Variants in DMD observed in about 807,000 individuals in gnomAD.
The protein encoded by DMD is mutant dystrophin.
A neutral mutation model predicts 330.1 loss-of-function variants in DMD; 63 were observed. The ratio of observed to expected loss-of-function variants is 0.19; its 90% CI spans 0.16 to 0.24. The LOEUF (loss-of-function observed/expected upper bound fraction) is 0.24, where lower values mean the gene tolerates loss of function less well. Among genes scored for constraint, DMD ranks in the 10% least tolerant of loss-of-function variants. The pLI is 1.00. For missense variants in DMD, 3,344 were observed against 2,684.1 expected (o/e 1.25, Z -5.43); for synonymous variants, 1,223 against 959.8 (o/e 1.27, Z -5.07).
chrX:31,628,986 T>C (rs1487032604), intron 54 of DMD, among the ~76,000 whole-genome samples: 2 of 103,977 alleles, frequency 1.9e-5, no homozygotes, highest in African/African-American at 6.9e-5. Flanking sequence ...CCTCAGCAAA[T>C]ATCTATATAA....
chrX:32,948,801 C>T (rs971389010), intron 2 of DMD, among the ~76,000 whole-genome samples: 1 of 111,762 alleles, frequency 8.9e-6, no homozygotes, highest in African/African-American at 3.3e-5. Flanking sequence ...ATTTGAAACA[C>T]TGTTAAGCAG....
intron 52 of DMD, among the ~76,000 whole-genome samples, chrX:31,710,315 T>C (rs777187844): frequency 4.5e-5 from 5 of 111,742 alleles, no homozygotes; most frequent in Non-Finnish European, 9.4e-5. Context: ...TAAAGCTGTA[T>C]ATCTGTATAT....
chrX:32,883,280 C>A (rs949730855), intron 2 of DMD, among the ~76,000 whole-genome samples: 2 of 111,840 alleles, frequency 1.8e-5, no homozygotes, highest in African/African-American at 6.5e-5. Context: ...ATTTCAGGCA[C>A]TGAACGGCAA....
At chrX:31,379,848 T>C (rs1049092595) in intron 60 of DMD, among the ~76,000 whole-genome samples, 26 of 111,785 alleles carry the variant, frequency 2.3e-4, no homozygotes, top group Non-Finnish European at 4.1e-4. Flanking sequence ...CCATGTCCCA[T>C]CTGTGGAGGA....
At chrX:31,387,995 G>C (rs907295162) in intron 60 of DMD, among the ~76,000 whole-genome samples, 3 of 104,915 alleles carry the variant, frequency 2.9e-5, no homozygotes, top group African/African-American at 1.1e-4. Flanking sequence ...TTTCTTCTTT[G>C]TTTTTCGGTT....
At chrX:32,570,034 T>C (rs2052223929) in intron 15 of DMD, among the ~76,000 whole-genome samples, 1 of 111,835 alleles carries the variant, frequency 8.9e-6, no homozygotes, top group Non-Finnish European at 1.9e-5. Flanking sequence ...ATAATAGATC[T>C]ACATGATTTG....
At chrX:33,267,993 ATTTTT>A (rs527255488) in intron 1 of DMD, among the ~76,000 whole-genome samples, 5 of 98,349 alleles carry the variant, frequency 5.1e-5, no homozygotes, top group African/African-American at 1.9e-4. Context: ...GGCATTGGCA[ATTTTT>A]TTTTTTTTTT....
At chrX:32,289,168 G>T (rs941072117) in intron 42 of DMD, among the ~76,000 whole-genome samples, 7 of 111,293 alleles carry the variant, frequency 6.3e-5, no homozygotes, top group Non-Finnish European at 1.3e-4. Flanking sequence ...TTCTTAGATT[G>T]AAAACTTACT....
chrX:32,330,108 A>G (rs1439734234), intron 41 of DMD, among the ~76,000 whole-genome samples: 1 of 112,439 alleles, frequency 8.9e-6, no homozygotes. Context: ...AATGGGTGCT[A>G]AACTATACTC....
At chrX:31,663,324 A>C (rs899809330) in intron 53 of DMD, among the ~76,000 whole-genome samples, 9 of 110,619 alleles carry the variant, frequency 8.1e-5, no homozygotes, top group African/African-American at 3.0e-4. Flanking sequence ...CCAGCCCTTG[A>C]GGTGGTAATA....
At chrX:32,632,745 T>A (rs1602347152) in intron 11 of DMD, among the ~76,000 whole-genome samples, 1 of 98,388 alleles carries the variant, frequency 1.0e-5, no homozygotes, top group South Asian at 6.0e-4. Flanking sequence ...GGGGGAGGGG[T>A]TGGGGCGGGG....
At chrX:32,333,165 T>G (rs1042283435) in intron 41 of DMD, among the ~76,000 whole-genome samples, 2 of 112,035 alleles carry the variant, frequency 1.8e-5, no homozygotes, top group African/African-American at 3.2e-5. Context: ...AATGTTTATT[T>G]AAGACTTTTC....
intron 76 of DMD, among the ~76,000 whole-genome samples, chrX:31,140,559 G>T (rs1480625206): frequency 9.0e-6 from 1 of 111,650 alleles, no homozygotes. Context: ...TATGATATAG[G>T]ACCGATGCTT....
At chrX:32,544,781 G>A (rs1003065884) in intron 17 of DMD, among the ~76,000 whole-genome samples, 2 of 106,956 alleles carry the variant, frequency 1.9e-5, no homozygotes, top group Admixed American at 1.0e-4. Context: ...TGCACTTTCC[G>A]TTACTGGAAA....
At chrX:31,502,448 T>C (rs868062312) in intron 56 of DMD, among the ~76,000 whole-genome samples, 3 of 111,152 alleles carry the variant, frequency 2.7e-5, no homozygotes, top group Non-Finnish European at 5.7e-5. Flanking sequence ...CCACCTCTTT[T>C]TGCCCTTCTT....
chrX:32,779,677 T>C (rs1158797791), intron 7 of DMD, among the ~76,000 whole-genome samples: 1 of 92,695 alleles, frequency 1.1e-5, no homozygotes, highest in Non-Finnish European at 2.1e-5. Flanking sequence ...AACTCATCCT[T>C]TTTTATGGCT....
intron 2 of DMD, among the ~76,000 whole-genome samples, chrX:32,932,006 T>C (rs1217751787): frequency 8.9e-6 from 1 of 111,748 alleles, no homozygotes; most frequent in Non-Finnish European, 1.9e-5. Flanking sequence ...GTCTAGAAAA[T>C]CTATTCAAAT....
chrX:32,663,018 C>T (rs895638582), intron 9 of DMD, among the ~76,000 whole-genome samples: 1 of 111,738 alleles, frequency 8.9e-6, no homozygotes, highest in African/African-American at 3.3e-5. Context: ...ATATCACCTG[C>T]CATTGAGTAA....
chrX:32,652,790 G>T (rs2060260570), intron 9 of DMD, among the ~76,000 whole-genome samples: 1 of 111,668 alleles, frequency 9.0e-6, no homozygotes, highest in South Asian at 3.8e-4. Context: ...CAGTGTAAAA[G>T]TGCTCTTATT....
Sources: gnomAD v4.1 joint callset for allele counts (sites outside exome capture counted in the v4.1 genomes callset) on GRCh38, gnomAD v4.1.1 for gene constraint, MANE v1.5 for transcripts, NCBI Gene and HGNC (gene_info 2026-07-23, HGNC 2026-07-21) for gene names.